Variants in GRIA4 observed in about 807,000 individuals in gnomAD.
GRIA4 encodes the protein glutamate ionotropic receptor AMPA type subunit 4, also known as glutamate receptor 4.
Under a neutral mutation model 104.0 loss-of-function variants are expected in GRIA4, and 34 were observed. The observed-to-expected ratio is 0.33, with a 90% confidence interval of 0.25 to 0.44. The LOEUF (loss-of-function observed/expected upper bound fraction) is 0.44, where lower values mean the gene tolerates loss of function less well. Among genes scored for constraint, GRIA4 ranks in the 20% least tolerant of loss-of-function variants. The probability of loss-of-function intolerance (pLI) is 1.00; values close to 1 mark genes in which losing one functional copy is unlikely to be tolerated. For missense variants in GRIA4, 750 were observed against 1,096.5 expected (o/e 0.68, Z 4.46); for synonymous variants, 386 against 381.9 (o/e 1.01, Z -0.13).
At chr11:105,914,858 T>A (rs1372283836) in intron 10 of GRIA4, among the ~76,000 whole-genome samples, 1 of 152,208 alleles carries the variant, frequency 6.6e-6, no homozygotes, top group Non-Finnish European at 1.5e-5. Context: ...AAGGCTGTTT[T>A]ACAAAGATAC....
intron 13 of GRIA4, among the ~76,000 whole-genome samples, chr11:105,928,306 G>A (rs1947776292): frequency 1.3e-5 from 2 of 151,898 alleles, no homozygotes; most frequent in African/African-American, 2.4e-5. Context: ...GTATTATTAG[G>A]TATAATCTAA....
intron 5 of GRIA4, among the ~76,000 whole-genome samples, chr11:105,870,488 T>G (rs1945573949): frequency 1.3e-5 from 2 of 151,278 alleles, no homozygotes; most frequent in Admixed American, 6.6e-5. Context: ...GAAGGAACTC[T>G]GAATGCAAAG....
At chr11:105,774,269 TGAAAA>T (rs1941355894) in intron 4 of GRIA4, among the ~76,000 whole-genome samples, 2 of 151,340 alleles carry the variant, frequency 1.3e-5, no homozygotes, top group African/African-American at 4.8e-5. Context: ...TTAAAAATAA[TGAAAA>T]GAAACCAAAA....
chr11:105,916,554 C>T (rs1444866657), intron 10 of GRIA4, among the ~76,000 whole-genome samples: 1 of 152,154 alleles, frequency 6.6e-6, no homozygotes, highest in South Asian at 2.1e-4. Flanking sequence ...TCCCTATCAC[C>T]CAGCAAACTG....
chr11:105,676,362 G>A (rs1016169432), intron 3 of GRIA4, among the ~76,000 whole-genome samples: 6 of 151,718 alleles, frequency 4.0e-5, no homozygotes, highest in South Asian at 4.1e-4. Flanking sequence ...GCTTGTATTA[G>A]AGAAAACAGA....
At chr11:105,747,849 A>T (rs1939754319) in intron 3 of GRIA4, among the ~76,000 whole-genome samples, 1 of 152,220 alleles carries the variant, frequency 6.6e-6, no homozygotes, top group African/African-American at 2.4e-5. Context: ...AATTAAAAAC[A>T]GCCAAAATGC....
chr11:105,754,292 A>C (rs1395364369), intron 4 of GRIA4, among the ~76,000 whole-genome samples: 2 of 152,304 alleles, frequency 1.3e-5, no homozygotes, highest in East Asian at 3.9e-4. Flanking sequence ...CTACTTTTTA[A>C]AAAATTTCTG....
At chr11:105,751,705 A>G (rs1591192386) in intron 3 of GRIA4, among the ~76,000 whole-genome samples, 1 of 152,318 alleles carries the variant, frequency 6.6e-6, no homozygotes, top group East Asian at 1.9e-4. Context: ...TTATTCACTA[A>G]GACTTTTATT....
chr11:105,733,283 C>T (rs932037294), intron 3 of GRIA4, among the ~76,000 whole-genome samples: 1 of 152,114 alleles, frequency 6.6e-6, no homozygotes, highest in Non-Finnish European at 1.5e-5. Flanking sequence ...TACGTATATA[C>T]ATAGATAGAA....
At chr11:105,920,149 C>T (rs760168935) in intron 11 of GRIA4, among the ~76,000 whole-genome samples, 9 of 151,912 alleles carry the variant, frequency 5.9e-5, no homozygotes, top group Non-Finnish European at 1.0e-4. Flanking sequence ...CATTATGAAG[C>T]AATTGGTTAG....
chr11:105,677,429 A>G (rs1303377423), intron 3 of GRIA4, among the ~76,000 whole-genome samples: 1 of 151,922 alleles, frequency 6.6e-6, no homozygotes, highest in Admixed American at 6.6e-5. Flanking sequence ...TGATCAGCTA[A>G]TAAAATATCA....
In GRIA4 at chr11:105,726,291, T is replaced by C. The variant is rs556136171; in HGVS notation, c.248-26690T>C. Among the ~76,000 whole-genome samples the C allele has an allele frequency of 3.3e-5, 5 of 152,136 alleles. No homozygotes were observed. In the East Asian group the frequency reaches 9.7e-4, roughly 30 times the overall value. On this transcript the variant is annotated intron_variant, in intron 3 of 16. Transcript: ENST00000282499. Reference sequence around the variant, plus strand: ...AACCCTCTGGGAAGTACAAACTGAGTGGAGCCCACCGCAGCACCTCAAAGC... The same window carrying C: ...AACCCTCTGGGAAGTACAAACTGAGCGGAGCCCACCGCAGCACCTCAAAGC...
intron 14 of GRIA4, among the ~76,000 whole-genome samples, chr11:105,936,294 T>A (rs1948033243): frequency 6.6e-6 from 1 of 152,226 alleles, no homozygotes; most frequent in Admixed American, 6.5e-5. Flanking sequence ...AAAATAATTG[T>A]ATTCATCAGA....
At chr11:105,761,851 C>T (rs1221807550) in intron 4 of GRIA4, among the ~76,000 whole-genome samples, 1 of 151,918 alleles carries the variant, frequency 6.6e-6, no homozygotes, top group African/African-American at 2.4e-5. Flanking sequence ...TACAGATTTC[C>T]ATAAAAGACT....
intron 3 of GRIA4, among the ~76,000 whole-genome samples, chr11:105,628,125 C>T (rs189847103): frequency 6.6e-6 from 1 of 151,712 alleles, no homozygotes; most frequent in Non-Finnish European, 1.5e-5. Flanking sequence ...ACAGAGCCTG[C>T]CAAAGGGAAA....
chr11:105,742,868 C>T (rs1430223802), intron 3 of GRIA4, among the ~76,000 whole-genome samples: 1 of 152,064 alleles, frequency 6.6e-6, no homozygotes, highest in East Asian at 1.9e-4. Flanking sequence ...TCCTGAGTAG[C>T]TGGGATCACA....
intron 3 of GRIA4, chr11:105,614,553 A>T (rs1387238723): frequency 6.6e-6 from 1 of 152,008 alleles, no homozygotes; most frequent in African/African-American, 2.4e-5. Context: ...TGACACGAGT[A>T]AACTTTAAGT....
At chr11:105,971,594 T>G (rs1377172628) in intron 14 of GRIA4, among the ~76,000 whole-genome samples, 1 of 152,206 alleles carries the variant, frequency 6.6e-6, no homozygotes, top group Non-Finnish European at 1.5e-5. Flanking sequence ...AAAAGAAGCT[T>G]CTGGATTTTG....
chr11:105,862,479 C>T (rs934332751), intron 5 of GRIA4: 8 of 248,732 alleles, frequency 3.2e-5, no homozygotes, highest in Non-Finnish European at 6.1e-5. Flanking sequence ...TCTTGAAGAG[C>T]TCTTGGCCTC....
Sources: allele counts gnomAD v4.1 joint callset (sites outside exome capture counted in the v4.1 genomes callset), GRCh38; gene constraint gnomAD v4.1.1; transcripts MANE v1.5; gene names NCBI Gene and HGNC (gene_info 2026-07-23, HGNC 2026-07-21).